Variants in PCDHA12 observed in about 807,000 individuals in gnomAD.
PCDHA12 encodes protocadherin alpha-12.
Under a neutral mutation model 60.0 loss-of-function variants are expected in PCDHA12, and 44 were observed. The ratio of observed to expected loss-of-function variants is 0.73; its 90% CI spans 0.58 to 0.94. PCDHA12 has a LOEUF of 0.94. Ranked by LOEUF, PCDHA12 falls within the 40% of genes least tolerant of loss-of-function variation. PCDHA12 has a pLI of 0.00. For missense variants in PCDHA12, 1,276 were observed against 1,239.7 expected, an observed-to-expected ratio of 1.03 and a Z score of -0.44; for synonymous variants, 569 against 553.0, an observed-to-expected ratio of 1.03 and a Z score of -0.40.
At chr5:140,974,731 C>T (rs2096638633) in intron 1 of PCDHA12, among the ~76,000 whole-genome samples, 1 of 152,140 alleles carries the variant, frequency 6.6e-6, no homozygotes, top group Non-Finnish European at 1.5e-5. Context: ...GAACTCCTGT[C>T]TCCACCTTGG....
chr5:140,975,527 A>G (rs782267941), intron 1 of PCDHA12, among the ~76,000 whole-genome samples: 2 of 152,220 alleles, frequency 1.3e-5, no homozygotes, highest in Non-Finnish European at 2.9e-5. Context: ...CAGTGGATAT[A>G]TTCTTAATAC....
At chr5:140,881,441 CAGA>C (rs782795888) in intron 1 of PCDHA12, 70 of 829,276 alleles carry the variant, frequency 8.4e-5, no homozygotes, top group Non-Finnish European at 1.0e-4. Context: ...TTTATAAAAA[CAGA>C]ATCCAAAACC....
intron 1 of PCDHA12, chr5:140,881,303 C>A: frequency 2.1e-6 from 2 of 962,604 alleles, no homozygotes; most frequent in Non-Finnish European, 2.5e-6. Flanking sequence ...GAAACTTTAA[C>A]CTCCTGGTTA....
chr5:140,938,245 C>T (rs1008412260), intron 1 of PCDHA12, among the ~76,000 whole-genome samples: 1 of 152,168 alleles, frequency 6.6e-6, no homozygotes, highest in South Asian at 2.1e-4. Context: ...CATGCCTGGT[C>T]TTTTAAAAAC....
At chr5:140,977,732 G>A (rs538865467) in intron 1 of PCDHA12, among the ~76,000 whole-genome samples, 2 of 152,048 alleles carry the variant, frequency 1.3e-5, no homozygotes, top group African/African-American at 2.4e-5. Flanking sequence ...TTCTCTCCTG[G>A]GTGTTATGAA....
At chr5:140,956,554 G>C (rs546505112) in intron 1 of PCDHA12, among the ~76,000 whole-genome samples, 1 of 152,318 alleles carries the variant, frequency 6.6e-6, no homozygotes, top group East Asian at 1.9e-4. Flanking sequence ...TGGTTTGCCA[G>C]TATCTTATTG....
At chr5:140,925,231 G>A (rs2082401450) in intron 1 of PCDHA12, among the ~76,000 whole-genome samples, 1 of 152,154 alleles carries the variant, frequency 6.6e-6, no homozygotes, top group Non-Finnish European at 1.5e-5. Flanking sequence ...GTTTCTACCA[G>A]AAAATATGTC....
intron 3 of PCDHA12, among the ~76,000 whole-genome samples, chr5:141,002,901 G>C (rs2098101392): frequency 6.6e-6 from 1 of 152,224 alleles, no homozygotes; most frequent in Admixed American, 6.5e-5. Flanking sequence ...GCAAGATGAA[G>C]AGAAGATCAG....
intron 1 of PCDHA12, 102 bp from the exon 2 acceptor site, chr5:140,978,847 G>GA: frequency 6.4e-7 from 1 of 1,570,216 alleles, no homozygotes; most frequent in Non-Finnish European, 8.6e-7. Context: ...TACTTTTTTA[G>GA]ATGCCTGGAA....
intron 1 of PCDHA12, among the ~76,000 whole-genome samples, chr5:140,961,680 C>T (rs989401730): frequency 3.3e-5 from 5 of 152,040 alleles, no homozygotes; most frequent in African/African-American, 4.8e-5. Flanking sequence ...TTAATTAAGC[C>T]GGAGTAGTCC....
chr5:140,929,681 A>C, intron 1 of PCDHA12: 1 of 302,408 alleles, frequency 3.3e-6, no homozygotes. Flanking sequence ...AAAAATATGT[A>C]AGAGTCTGCT....
At chr5:140,921,588 T>C (rs534654717) in intron 1 of PCDHA12, among the ~76,000 whole-genome samples, 1 of 152,342 alleles carries the variant, frequency 6.6e-6, no homozygotes, top group African/African-American at 2.4e-5. Flanking sequence ...TACTATATTA[T>C]GGTTTCAAAG....
intron 1 of PCDHA12, chr5:140,929,402 A>G: frequency 7.3e-6 from 11 of 1,507,926 alleles, no homozygotes; most frequent in Non-Finnish European, 9.7e-6. Context: ...TTTCTTAGAC[A>G]AGCCTTTCAC....
Position 140,876,850 on chromosome 5 carries a change from T to A in PCDHA12, c.1378T>A (p.Tyr460Asn). 6.2e-7 allele frequency: 1 copy of A among 1,614,012 alleles called. No homozygotes were observed. The highest frequency in any genetic ancestry group is 8.5e-7 in the Non-Finnish European group (1 of 1,179,982). ...TGCGCCTGCGTTCGCGCAGCCCGAGTACACAGTGTTCGTGAAGGAGAACAA... is the reference window on the plus strand; with the variant it reads ...TGCGCCTGCGTTCGCGCAGCCCGAGAACACAGTGTTCGTGAAGGAGAACAA... ...DNAPAFAQPEYTVFVKENNPP... is the reference protein window; with the variant it reads ...DNAPAFAQPENTVFVKENNPP... Residue 460 changes from tyrosine to asparagine, a missense_variant, in exon 1 of 4, where the codon TAC (tyrosine) becomes AAC (asparagine). Tyr to Asn is a moderately radical substitution (Grantham distance 143, BLOSUM62 -2). Coordinates refer to ENST00000398631, the MANE Select transcript of PCDHA12 (RefSeq NM_018903.4).
At chr5:140,980,284 T>C (rs1226756896) in intron 2 of PCDHA12, among the ~76,000 whole-genome samples, 6 of 152,182 alleles carry the variant, frequency 3.9e-5, no homozygotes, top group African/African-American at 1.4e-4. Flanking sequence ...TCTTGAAAAG[T>C]ACCAAAGCTA....
chr5:140,892,448 A>G (rs973072554), intron 1 of PCDHA12, among the ~76,000 whole-genome samples: 13 of 152,292 alleles, frequency 8.5e-5, no homozygotes, highest in African/African-American at 2.9e-4. Context: ...ATTTACATGT[A>G]TTCTTTAAGT....
intron 1 of PCDHA12, chr5:140,967,256 G>T: frequency 6.2e-7 from 1 of 1,613,524 alleles, no homozygotes; most frequent in Non-Finnish European, 8.5e-7. Flanking sequence ...GGTGGCGCCT[G>T]GAGCGCGCTT....
Position 140,927,620 on chromosome 5 carries a change from C to T in PCDHA12, c.2367+49781C>T, listed in dbSNP as rs2153590504. 6.2e-7 allele frequency: 1 copy of T among 1,614,196 alleles called. No homozygotes were observed. ...CGCTCCGTATACCGCACCAAGGTTC[C>T]AGAGACTGCACCCAATGGGACTGTG... is the stretch of plus-strand genomic sequence containing the variant. On this transcript the variant is annotated intron_variant, in intron 1 of 3. Coordinates refer to ENST00000398631, the MANE Select transcript of PCDHA12 (RefSeq NM_018903.4).
chr5:140,941,284 TTCTC>T (rs1234192371), intron 1 of PCDHA12, among the ~76,000 whole-genome samples: 2 of 124,572 alleles, frequency 1.6e-5, no homozygotes, highest in African/African-American at 2.8e-5. Flanking sequence ...CTTCCTTCCT[TTCTC>T]TTTCTTTCTT....
Sources: allele counts gnomAD v4.1 joint callset (sites outside exome capture counted in the v4.1 genomes callset), GRCh38; gene constraint gnomAD v4.1.1; transcripts MANE v1.5; gene names NCBI Gene and HGNC (gene_info 2026-07-23, HGNC 2026-07-21).